Variants in OTC observed in about 807,000 individuals in gnomAD.
OTC encodes the protein ornithine transcarbamylase, mitochondrial.
In OTC, 3 loss-of-function variants were observed where a neutral mutation model predicts 30.3. The ratio of observed to expected loss-of-function variants is 0.10; its 90% confidence interval spans 0.05 to 0.26. The LOEUF (loss-of-function observed/expected upper bound fraction) is 0.26. OTC is among the 10% of genes least tolerant of loss of function. OTC has a pLI of 1.00. For missense variants in OTC, 194 were observed against 260.3 expected (o/e 0.75, Z 1.75); for synonymous variants, 111 against 99.7 (o/e 1.11, Z -0.67).
Position 38,409,033 on chromosome X carries a change from T to C in OTC, c.867+8T>C, listed in dbSNP as rs1190812009. On this transcript the variant is annotated splice_region_variant and intron_variant, in intron 8 of 9. Transcript: ENST00000039007. ...TACCAGGTTACAATGAAGGTACAAATTGATGCCTCTCTGAAGGTTCATTAA... is the reference window on the plus strand; with the variant it reads ...TACCAGGTTACAATGAAGGTACAAACTGATGCCTCTCTGAAGGTTCATTAA... 5 of 1,207,153 alleles carry C rather than the reference T, an allele frequency of 4.1e-6. No individual in the cohort carries two copies. In the African/African-American group the frequency reaches 5.3e-5, roughly 13 times the overall value.
chrX:38,379,785 A>G, intron 3 of OTC, among the ~76,000 whole-genome samples: 1 of 110,142 alleles, frequency 9.1e-6, no homozygotes, highest in Middle Eastern at 4.6e-3. Flanking sequence ...GCCCACCACC[A>G]CGCCTGGCTA....
intron 4 of OTC, among the ~76,000 whole-genome samples, chrX:38,381,712 T>C (rs1322924235): frequency 8.9e-6 from 1 of 111,953 alleles, no homozygotes; most frequent in African/African-American, 3.2e-5. Context: ...GATTTAACAG[T>C]TGAGGAGGAA....
chrX:38,414,584 C>A (rs190851785), intron 9 of OTC, among the ~76,000 whole-genome samples: 1 of 112,161 alleles, frequency 8.9e-6, no homozygotes, highest in East Asian at 2.8e-4. Context: ...GCTGTGCCAT[C>A]TTAGCGTCTA....
intron 4 of OTC, among the ~76,000 whole-genome samples, chrX:38,396,136 A>G (rs944675267): frequency 1.0e-4 from 9 of 87,912 alleles, no homozygotes; most frequent in Non-Finnish European, 1.9e-4. Context: ...TTTTTTTTGT[A>G]TTTTTAGTAG....
chrX:38,391,091 G>T (rs1316829404), intron 4 of OTC, among the ~76,000 whole-genome samples: 1 of 110,554 alleles, frequency 9.0e-6, no homozygotes, highest in Non-Finnish European at 1.9e-5. Flanking sequence ...TCTCAAAATG[G>T]TCATTGAGCC....
At chrX:38,339,528 GTT>G in the OTC span, among the ~76,000 whole-genome samples, 3,203 of 82,843 alleles carry the variant, frequency 0.039, 64 homozygotes, top group African/African-American at 0.087. Flanking sequence ...GTACCCAATA[GTT>G]TTTTTTTTTT....
At chrX:38,374,939 G>A (rs1167330737) in intron 3 of OTC, among the ~76,000 whole-genome samples, 3 of 112,273 alleles carry the variant, frequency 2.7e-5, no homozygotes, top group Non-Finnish European at 5.6e-5. Flanking sequence ...ACTTCATTAC[G>A]TTGCTTCATA....
the OTC span, among the ~76,000 whole-genome samples, chrX:38,344,504 A>T: frequency 1.8e-5 from 2 of 110,898 alleles, no homozygotes; most frequent in Admixed American, 1.9e-4. Context: ...GACATAGAGG[A>T]CTCTTAAGAA....
intron 5 of OTC, 69 bp downstream of exon 5, chrX:38,401,497 GT>G: frequency 1.2e-6 from 1 of 867,278 alleles, no homozygotes; most frequent in Non-Finnish European, 1.7e-6. Flanking sequence ...AAGTGAAACA[GT>G]TTACTTAAAT....
chrX:38,339,552 C>G, the OTC span, among the ~76,000 whole-genome samples: 5 of 100,813 alleles, frequency 5.0e-5, no homozygotes, highest in East Asian at 1.6e-3. Flanking sequence ...TTTTGCTCCT[C>G]TCCCTCCTCC....
At chrX:38,358,620 A>ATTTTTTTTT (rs1194488054) in intron 1 of OTC, among the ~76,000 whole-genome samples, 1 of 88,333 alleles carries the variant, frequency 1.1e-5, no homozygotes. Flanking sequence ...CTGTGGTGGA[A>ATTTTTTTTT]TTTTTTTTTT....
intron 6 of OTC, 101 bp downstream of exon 6, chrX:38,403,841 C>G: frequency 2.2e-6 from 2 of 900,273 alleles, no homozygotes; most frequent in Admixed American, 4.5e-5. Flanking sequence ...AAGTATAGCA[C>G]AGGTGAGGCC....
At chrX:38,338,346 T>C in the OTC span, among the ~76,000 whole-genome samples, 14 of 112,283 alleles carry the variant, frequency 1.2e-4, no homozygotes, top group Non-Finnish European at 1.5e-4. Flanking sequence ...GCATTCCAGG[T>C]GACCATAGGC....
upstream of OTC, among the ~76,000 whole-genome samples, chrX:38,349,534 T>C (rs1005129052): frequency 8.9e-6 from 1 of 112,747 alleles, no homozygotes; most frequent in African/African-American, 3.2e-5. Context: ...TCTCTCACTC[T>C]CACCCTCTCT....
chrX:38,405,309 C>T (rs1444842041), intron 6 of OTC, among the ~76,000 whole-genome samples: 2 of 111,802 alleles, frequency 1.8e-5, no homozygotes, highest in African/African-American at 6.5e-5. Context: ...CAAATTTACT[C>T]TTTCACAGTT....
chrX:38,421,066 A>G lies in OTC; in HGVS notation c.1049A>G (p.Gln350Arg), dbSNP rs1215921383. Residue 350 changes from glutamine (Q) to arginine (R), a missense_variant, in exon 10 of 10, where the codon CAG becomes CGG. Physicochemically the swap from Gln to Arg is conservative, Grantham distance 43. Coordinates refer to ENST00000039007, the MANE Select transcript of OTC (RefSeq NM_000531.6). ...SLLTDYSPQLQKPKF is the reference protein window; with the variant it reads ...SLLTDYSPQLRKPKF Reference sequence around the variant, plus strand: ...CTGACAGATTACTCACCTCAGCTCCAGAAGCCTAAATTTTGATGTTGTGTT... The same window carrying G: ...CTGACAGATTACTCACCTCAGCTCCGGAAGCCTAAATTTTGATGTTGTGTT... The G allele has an allele frequency of 3.3e-6, 4 of 1,194,388 alleles. No individual in the cohort carries two copies. The highest frequency in any genetic ancestry group is 3.4e-6 in the Non-Finnish European group (3 of 881,191).
the OTC span, among the ~76,000 whole-genome samples, chrX:38,334,854 G>A: frequency 9.0e-6 from 1 of 111,543 alleles, no homozygotes; most frequent in Non-Finnish European, 1.9e-5. Flanking sequence ...GGTGAGCAGC[G>A]GTAGAGCATT....
At chrX:38,341,625 G>A in the OTC span, among the ~76,000 whole-genome samples, 3 of 112,046 alleles carry the variant, frequency 2.7e-5, no homozygotes, top group South Asian at 3.7e-4. Context: ...TCATTACACC[G>A]GAAGGCAATA....
chrX:38,356,953 GT>G (rs994005912), intron 1 of OTC, among the ~76,000 whole-genome samples: 6 of 110,108 alleles, frequency 5.4e-5, no homozygotes, highest in African/African-American at 9.9e-5. Flanking sequence ...TCACTGCAAA[GT>G]TTTTTTTTGT....
Sources: allele counts gnomAD v4.1 joint callset (sites outside exome capture counted in the v4.1 genomes callset), GRCh38; gene constraint gnomAD v4.1.1; transcripts MANE v1.5; gene names NCBI Gene and HGNC (gene_info 2026-07-23, HGNC 2026-07-21).